The following RANBP2 variants were observed in gnomAD, a reference collection of about 807,000 sequenced individuals.
RANBP2 encodes the protein RAN binding protein 2.
Under a neutral mutation model 303.6 loss-of-function variants are expected in RANBP2, and 57 were observed. The observed-to-expected ratio is 0.19, with a 90% CI of 0.15 to 0.23. RANBP2 has a LOEUF of 0.23. RANBP2 is among the 10% of genes least tolerant of loss of function. RANBP2 has a pLI of 1.00. For synonymous variants in RANBP2, 1,167 were observed against 1,301.5 expected, an observed-to-expected ratio of 0.90 and a Z score of 2.23; for missense variants, 3,138 against 3,780.8, an observed-to-expected ratio of 0.83 and a Z score of 4.46.
the RANBP2 span, among the ~76,000 whole-genome samples, chr2:109,374,783 G>A: frequency 3.3e-5 from 5 of 152,222 alleles, no homozygotes; most frequent in Admixed American, 6.5e-5. Flanking sequence ...TCTACCCAGC[G>A]CACAGCTGCC....
At chr2:109,138,834 T>G in the RANBP2 span, among the ~76,000 whole-genome samples, 1 of 152,354 alleles carries the variant, frequency 6.6e-6, no homozygotes, top group African/African-American at 2.4e-5. Flanking sequence ...ATGTACTGAC[T>G]GCCCACCCTG....
chr2:109,681,226 A>G, the RANBP2 span, among the ~76,000 whole-genome samples: 1 of 152,184 alleles, frequency 6.6e-6, no homozygotes, highest in Non-Finnish European at 1.5e-5. Flanking sequence ...AGGTAAAACT[A>G]CTAATGTATG....
chr2:108,829,366 C>T, the RANBP2 span, among the ~76,000 whole-genome samples: 1 of 152,134 alleles, frequency 6.6e-6, no homozygotes, highest in Non-Finnish European at 1.5e-5. Context: ...AGAAATGGCC[C>T]CTAAGCTCAT....
chr2:109,432,685 G>A, the RANBP2 span: 1 of 1,606,136 alleles, frequency 6.2e-7, no homozygotes, highest in African/African-American at 1.3e-5. Context: ...AGGGCATGGT[G>A]GTGGCAGCCT....
chr2:109,545,065 T>C, the RANBP2 span: 26 of 985,302 alleles, frequency 2.6e-5, no homozygotes, highest in Non-Finnish European at 2.8e-5. Context: ...TATTTTAAAG[T>C]TGAGTTGCAA....
the RANBP2 span, among the ~76,000 whole-genome samples, chr2:109,178,295 GCT>G: frequency 6.6e-6 from 1 of 152,080 alleles, no homozygotes; most frequent in African/African-American, 2.4e-5. Flanking sequence ...AATTTTTAGA[GCT>G]CTTTTATGAA....
chr2:108,755,711 C>T (rs1676258260), intron 17 of RANBP2, among the ~76,000 whole-genome samples: 1 of 151,656 alleles, frequency 6.6e-6, no homozygotes, highest in Non-Finnish European at 1.5e-5. Flanking sequence ...TCGGTCTTGA[C>T]CCTTTACCAT....
At chr2:108,791,484 G>T in the RANBP2 span, 1 of 619,716 alleles carries the variant, frequency 1.6e-6, no homozygotes. Context: ...AAAGATGCTT[G>T]TAGTGGGTTA....
chr2:109,633,851 ATGGCTCACG>A, the RANBP2 span, among the ~76,000 whole-genome samples: 1 of 151,176 alleles, frequency 6.6e-6, no homozygotes, highest in African/African-American at 2.4e-5. Flanking sequence ...GCCTGGCGCA[ATGGCTCACG>A]TCTGTAATTC....
the RANBP2 span, among the ~76,000 whole-genome samples, chr2:108,960,645 T>C: frequency 6.6e-6 from 1 of 152,172 alleles, no homozygotes; most frequent in African/African-American, 2.4e-5. Flanking sequence ...CTACTAATTG[T>C]AAAGAAGTTT....
chr2:109,489,742 G>T, the RANBP2 span, among the ~76,000 whole-genome samples: 2 of 128,372 alleles, frequency 1.6e-5, no homozygotes, highest in African/African-American at 5.7e-5. Context: ...TTTTTTGGCG[G>T]GGGGTGGGCG....
At chr2:108,728,056 T>C (rs150205749) in intron 1 of RANBP2, among the ~76,000 whole-genome samples, 1,930 of 152,320 alleles carry the variant, frequency 0.013, 51 homozygotes, top group African/African-American at 0.045. Flanking sequence ...GAACAGTACA[T>C]GGACCAGGGA....
chr2:109,489,339 G>C, the RANBP2 span, among the ~76,000 whole-genome samples: 1 of 152,340 alleles, frequency 6.6e-6, no homozygotes, highest in South Asian at 2.1e-4. Flanking sequence ...CCAGACCCTG[G>C]TACAGCTGCA....
the RANBP2 span, among the ~76,000 whole-genome samples, chr2:109,626,643 G>A: frequency 6.6e-6 from 1 of 152,182 alleles, no homozygotes; most frequent in Non-Finnish European, 1.5e-5. Flanking sequence ...CTGGCCACTC[G>A]ACTCTATTCC....
At chr2:109,170,631 C>G in the RANBP2 span, among the ~76,000 whole-genome samples, 1 of 152,088 alleles carries the variant, frequency 6.6e-6, no homozygotes, top group Non-Finnish European at 1.5e-5. Flanking sequence ...ATTACAGGTG[C>G]GAGCCACTGT....
At chr2:109,172,374 C>T in the RANBP2 span, among the ~76,000 whole-genome samples, 2 of 152,256 alleles carry the variant, frequency 1.3e-5, no homozygotes, top group Non-Finnish European at 2.9e-5. Context: ...GCACGGAGCT[C>T]AGCCGTCCTC....
At chr2:108,883,862 GCTTT>G in the RANBP2 span, 2 of 152,340 alleles carry the variant, frequency 1.3e-5, no homozygotes, top group South Asian at 4.1e-4. Context: ...GGTGTCATCT[GCTTT>G]CTTTCAGGAG....
the RANBP2 span, chr2:109,574,669 C>T: frequency 1.7e-5 from 28 of 1,609,176 alleles, no homozygotes; most frequent in Non-Finnish European, 2.1e-5. Context: ...CACATGGATG[C>T]GAGAATCATG....
rs982550601 is a variant in RANBP2, at chr2:108,784,186, A to G, written c.*285A>G. The G allele has an allele frequency of 2.8e-5, 9 of 319,402 alleles. No individual in the cohort carries two copies. The highest frequency in any genetic ancestry group is 4.7e-5 in the Non-Finnish European group (8 of 171,940). 19.8% of individuals were successfully genotyped at this position (319,402 alleles called of 1,614,324 possible). On this transcript the variant is annotated 3_prime_UTR_variant, in exon 29 of 29. Transcript: ENST00000283195. ...ATCTTGTTAAAAGCAATAGACCTCA[A>G]ACTATTGAAGGAATATGATATATGC...
Sources: gnomAD v4.1 joint callset for allele counts (sites outside exome capture counted in the v4.1 genomes callset) on GRCh38, gnomAD v4.1.1 for gene constraint, MANE v1.5 for transcripts, NCBI Gene and HGNC (gene_info 2026-07-23, HGNC 2026-07-21) for gene names.